The following GRK3 variants were observed in gnomAD, a reference collection of about 807,000 sequenced individuals.
The protein encoded by GRK3 is G protein-coupled receptor kinase 3, also known as adrenergic, beta, receptor kinase 2.
Under a neutral mutation model 95.7 loss-of-function variants are expected in GRK3, and 54 were observed. The ratio of observed to expected loss-of-function variants is 0.56; its 90% CI spans 0.45 to 0.71. GRK3 has a LOEUF of 0.71. GRK3 is among the 30% of genes least tolerant of loss of function. The pLI is 0.00. For synonymous variants in GRK3, 281 were observed against 290.8 expected (o/e 0.97, Z 0.34); for missense variants, 649 against 851.2 (o/e 0.76, Z 2.96).
chr22:25,695,238 G>A (rs1408038546), intron 13 of GRK3, 24 bp downstream of exon 13: 3 of 1,544,020 alleles, frequency 1.9e-6, no homozygotes, highest in South Asian at 2.2e-5. Flanking sequence ...CATCCTTCTA[G>A]TGCTGTCCTC....
chr22:25,635,834 C>G (rs893043999), intron 2 of GRK3, among the ~76,000 whole-genome samples: 3 of 152,202 alleles, frequency 2.0e-5, no homozygotes, highest in Non-Finnish European at 2.9e-5. Context: ...TCAAACTTAT[C>G]CACTAGTTTT....
intron 13 of GRK3, among the ~76,000 whole-genome samples, chr22:25,701,522 C>T (rs1161222072): frequency 6.6e-6 from 1 of 152,188 alleles, no homozygotes; most frequent in African/African-American, 2.4e-5. Context: ...GAATTTGTAG[C>T]AATGGGGCCC....
intron 14 of GRK3, 57 bp downstream of exon 14, chr22:25,703,633 G>A (rs376942262): frequency 6.8e-5 from 83 of 1,219,288 alleles, no homozygotes; most frequent in Middle Eastern, 1.9e-4. Flanking sequence ...GCTTCATTCC[G>A]TCAATAATAA....
chr22:25,683,242 G>A (rs2085088325), intron 9 of GRK3, among the ~76,000 whole-genome samples: 1 of 152,236 alleles, frequency 6.6e-6, no homozygotes, highest in Non-Finnish European at 1.5e-5. Context: ...GCATTCTAGT[G>A]TATAAATATA....
chr22:25,612,428 G>A (rs2084505196), intron 2 of GRK3, among the ~76,000 whole-genome samples: 1 of 152,094 alleles, frequency 6.6e-6, no homozygotes, highest in Non-Finnish European at 1.5e-5. Flanking sequence ...CATGGAAATA[G>A]AATGAGTTTT....
intron 5 of GRK3, among the ~76,000 whole-genome samples, chr22:25,665,391 T>C (rs1307968423): frequency 6.6e-6 from 1 of 152,216 alleles, no homozygotes; most frequent in Non-Finnish European, 1.5e-5. Flanking sequence ...TCATAATACA[T>C]GGGTTTTACA....
intron 10 of GRK3, among the ~76,000 whole-genome samples, chr22:25,686,275 C>A (rs113057940): frequency 3.6e-4 from 54 of 151,808 alleles, no homozygotes; most frequent in South Asian, 2.3e-3. Flanking sequence ...AATTTCACAG[C>A]GTAATAATGA....
chr22:25,703,449 A>G, intron 13 of GRK3, 61 bp from the exon 14 acceptor site: 5 of 1,253,134 alleles, frequency 4.0e-6, no homozygotes, highest in Middle Eastern at 1.9e-4. Context: ...AATATTAGTC[A>G]GTGATATGTT....
chr22:25,614,204 T>C (rs899461744), intron 2 of GRK3, among the ~76,000 whole-genome samples: 1 of 152,190 alleles, frequency 6.6e-6, no homozygotes, highest in Non-Finnish European at 1.5e-5. Context: ...CTCAGCTCAC[T>C]GCAGCCTCAA....
chr22:25,636,245 A>C (rs1367969443), intron 2 of GRK3, among the ~76,000 whole-genome samples: 3 of 152,210 alleles, frequency 2.0e-5, no homozygotes, highest in African/African-American at 7.2e-5. Context: ...TGGACACTAG[A>C]AGTGCTCATT....
In GRK3 at chr22:25,724,613, A is replaced by G. The variant is rs1319460305; in HGVS notation, c.*2163A>G. On this transcript the variant is annotated 3_prime_UTR_variant, in exon 21 of 21. Transcript: ENST00000324198. Reference sequence around the variant, plus strand: ...CCCAACTCACATTTGATTTGTAATGATATGGTTGAGAAGTACATCTAGATG... The same window carrying G: ...CCCAACTCACATTTGATTTGTAATGGTATGGTTGAGAAGTACATCTAGATG... The G allele has an allele frequency of 6.6e-6, 1 of 152,198 alleles. No individual in the cohort carries two copies. Among genetic ancestry groups the G allele is most frequent in the African/African-American group, 2.4e-5 (1 of 41,436 alleles). 9.4% of individuals were successfully genotyped at this position (152,198 alleles called of 1,614,324 possible).
chr22:25,652,006 G>A (rs2084834904), intron 3 of GRK3, among the ~76,000 whole-genome samples: 1 of 151,904 alleles, frequency 6.6e-6, no homozygotes, highest in South Asian at 2.1e-4. Context: ...ATTGTTTTGT[G>A]GATAATTGAA....
intron 5 of GRK3, among the ~76,000 whole-genome samples, chr22:25,664,809 A>G (rs1056428532): frequency 2.6e-5 from 4 of 152,166 alleles, no homozygotes; most frequent in Non-Finnish European, 5.9e-5. Context: ...ATGAGCCACC[A>G]TGCCCGGCCA....
intron 1 of GRK3, among the ~76,000 whole-genome samples, chr22:25,574,222 G>A (rs1931806881): frequency 6.6e-6 from 1 of 151,994 alleles, no homozygotes; most frequent in Non-Finnish European, 1.5e-5. Context: ...GGCCAGGTGT[G>A]GTGGCTCACG....
At chr22:25,660,732 T>G (rs1569183364) in intron 3 of GRK3, among the ~76,000 whole-genome samples, 1 of 152,234 alleles carries the variant, frequency 6.6e-6, no homozygotes, top group Non-Finnish European at 1.5e-5. Context: ...AGTGAAGATC[T>G]TTGTGACAGT....
At chr22:25,708,261 T>A (rs2085315914) in intron 15 of GRK3, among the ~76,000 whole-genome samples, 1 of 150,604 alleles carries the variant, frequency 6.6e-6, no homozygotes, top group Admixed American at 6.6e-5. Context: ...TAAGCGAGAG[T>A]CTCGTGAGGA....
At position 25,685,254 on chromosome 22, in the gene GRK3, C is replaced by CAAA. The variant is rs768273362; in HGVS notation, c.826+8_826+10dup. ...CATCCTGGATCTGATGAACGGTAAG[C>CAAA]AAAACTTGGAAAATCTGAATGCCTT... On this transcript the variant is annotated splice_region_variant and intron_variant, in intron 10 of 20. Coordinates refer to ENST00000324198, the MANE Select transcript of GRK3 (RefSeq NM_005160.4). 6.2e-7 allele frequency: 1 copy of CAAA among 1,606,210 alleles called. No homozygotes were observed. Among genetic ancestry groups the CAAA allele is most frequent in the Non-Finnish European group, 8.5e-7 (1 of 1,172,908 alleles).
At chr22:25,616,471 T>C (rs1349414037) in intron 2 of GRK3, among the ~76,000 whole-genome samples, 8 of 151,966 alleles carry the variant, frequency 5.3e-5, no homozygotes, top group African/African-American at 1.9e-4. Context: ...CTCACTCTCA[T>C]GAGAACAGCA....
At chr22:25,625,138 G>A (rs1241059427) in intron 2 of GRK3, among the ~76,000 whole-genome samples, 1 of 152,096 alleles carries the variant, frequency 6.6e-6, no homozygotes, top group East Asian at 1.9e-4. Context: ...TGGGCGGCAA[G>A]CCACCCAGGC....
Sources: allele counts gnomAD v4.1 joint callset (sites outside exome capture counted in the v4.1 genomes callset), GRCh38; gene constraint gnomAD v4.1.1; transcripts MANE v1.5; gene names NCBI Gene and HGNC (gene_info 2026-07-23, HGNC 2026-07-21).